CCSER1: variants seen among roughly 807,000 people sequenced by gnomAD.
CCSER1 encodes coiled-coil serine rich protein 1, also known as serine-rich coiled-coil domain-containing protein 1.
A neutral mutation model predicts 82.0 loss-of-function variants in CCSER1; 41 were observed. The observed-to-expected ratio is 0.50, with a 90% CI of 0.39 to 0.65. The LOEUF is 0.65. CCSER1 is among the 30% of genes least tolerant of loss of function. The probability of loss-of-function intolerance (pLI) is 0.00; values close to 1 mark genes in which losing one functional copy is unlikely to be tolerated. For missense variants in CCSER1, 1,119 were observed against 1,064.2 expected (o/e 1.05, Z -0.72); for synonymous variants, 414 against 383.9 (o/e 1.08, Z -0.92).
intron 1 of CCSER1, among the ~76,000 whole-genome samples, chr4:90,302,717 G>A (rs1375112995): frequency 1.3e-5 from 2 of 152,054 alleles, no homozygotes; most frequent in Non-Finnish European, 2.9e-5. Flanking sequence ...GTAGAAGGAT[G>A]GCTTGAGCCC....
chr4:91,037,584 CCTT>C (rs5860216), intron 9 of CCSER1, among the ~76,000 whole-genome samples: 61,515 of 151,668 alleles, frequency 0.41, 12,918 homozygotes, highest in East Asian at 0.64. Flanking sequence ...TTCTACTTTT[CCTT>C]CTTCTCTCTC....
rs763818383 is a variant in CCSER1, at chr4:90,836,411, A to G, written c.2094+20566A>G. On this transcript the variant is annotated intron_variant, in intron 8 of 10. Coordinates refer to ENST00000509176, the MANE Select transcript of CCSER1 (RefSeq NM_001145065.2). ...TTCTTCTGAGCTTCTTTGACTCACA[A>G]GCTTTGCTTTGAGAGTCACCTTTCC... 5.3e-5 allele frequency among the ~76,000 whole-genome samples: 8 copies of G among 152,108 alleles called. No homozygotes were observed. In the South Asian group the frequency reaches 1.0e-3, roughly 20 times the overall value.
intron 10 of CCSER1, among the ~76,000 whole-genome samples, chr4:91,267,159 T>C (rs1401080131): frequency 6.6e-6 from 1 of 152,186 alleles, no homozygotes; most frequent in Non-Finnish European, 1.5e-5. Context: ...GGCAGGCTTG[T>C]AGCACACCTG....
intron 10 of CCSER1, among the ~76,000 whole-genome samples, chr4:91,328,500 T>A (rs1746721819): frequency 6.6e-6 from 1 of 152,148 alleles, no homozygotes; most frequent in Non-Finnish European, 1.5e-5. Flanking sequence ...AGGCCTCACC[T>A]TCAACATTGC....
chr4:90,930,939 TACAC>T (rs1554045605), intron 9 of CCSER1, among the ~76,000 whole-genome samples: 8 of 135,066 alleles, frequency 5.9e-5, no homozygotes, highest in Non-Finnish European at 7.9e-5. Flanking sequence ...TATATATATA[TACAC>T]ATGACATATA....
intron 5 of CCSER1, among the ~76,000 whole-genome samples, chr4:90,557,285 A>G (rs1256070120): frequency 6.6e-6 from 1 of 152,088 alleles, no homozygotes; most frequent in South Asian, 2.1e-4. Flanking sequence ...TTATCTTGGA[A>G]TCAGAATAAT....
intron 10 of CCSER1, among the ~76,000 whole-genome samples, chr4:91,305,583 A>T (rs1484425132): frequency 6.6e-6 from 1 of 151,964 alleles, no homozygotes; most frequent in East Asian, 1.9e-4. Context: ...CATTTCATTT[A>T]TTTTTGGTCT....
intron 10 of CCSER1, among the ~76,000 whole-genome samples, chr4:91,296,647 G>A (rs28367428): frequency 0.24 from 36,071 of 148,450 alleles, 5,503 homozygotes; most frequent in African/African-American, 0.44. Context: ...ATATAAGTAT[G>A]TAAGATAAAT....
At chr4:90,648,622 G>C (rs368136101) in intron 6 of CCSER1, among the ~76,000 whole-genome samples, 5 of 144,676 alleles carry the variant, frequency 3.5e-5, no homozygotes, top group African/African-American at 1.3e-4. Context: ...AGAAGACAAA[G>C]AAACAGTAAA....
intron 10 of CCSER1, among the ~76,000 whole-genome samples, chr4:91,172,339 G>A (rs1346286274): frequency 6.6e-6 from 1 of 152,146 alleles, no homozygotes; most frequent in Non-Finnish European, 1.5e-5. Flanking sequence ...TAATAAAACT[G>A]TGTCTTCATG....
intron 10 of CCSER1, among the ~76,000 whole-genome samples, chr4:91,219,332 T>TTA (rs1553913551): frequency 1.5e-4 from 21 of 142,396 alleles, no homozygotes; most frequent in East Asian, 4.0e-4. Context: ...TTTTTTTTTT[T>TTA]AAAACAGTCT....
intron 1 of CCSER1, among the ~76,000 whole-genome samples, chr4:90,302,773 A>T (rs759272696): frequency 6.6e-6 from 1 of 152,166 alleles, no homozygotes; most frequent in Non-Finnish European, 1.5e-5. Context: ...ACTGCATTCT[A>T]GCCTGGGTGA....
At chr4:90,441,178 G>T (rs183382797) in intron 4 of CCSER1, among the ~76,000 whole-genome samples, 3 of 152,020 alleles carry the variant, frequency 2.0e-5, no homozygotes, top group East Asian at 1.9e-4. Context: ...GCTTCCTCAC[G>T]CAAGAAAATC....
intron 3 of CCSER1, among the ~76,000 whole-genome samples, chr4:90,352,963 C>T (rs1391382150): frequency 6.7e-6 from 1 of 148,704 alleles, no homozygotes; most frequent in Non-Finnish European, 1.5e-5. Context: ...TGATAGCCTG[C>T]AATATGCAGA....
chr4:91,272,533 C>G (rs945461425), intron 10 of CCSER1, among the ~76,000 whole-genome samples: 2 of 152,108 alleles, frequency 1.3e-5, no homozygotes, highest in Admixed American at 1.3e-4. Flanking sequence ...AAGATTTTCT[C>G]CCACTCTGTG....
rs559831218 is a variant in CCSER1 at position 91,555,962 on chromosome 4, A to C, written c.2218-42610A>C. On this transcript the variant is annotated intron_variant, in intron 10 of 10. Coordinates refer to ENST00000509176, the MANE Select transcript of CCSER1 (RefSeq NM_001145065.2). ...CTGTCACATTGAAATGAAACGGTCA[A>C]ACCCTTAATTACTCCATTGTAGATG... 2.7e-4 allele frequency among the ~76,000 whole-genome samples: 41 copies of C among 151,368 alleles called. 1 individual carries two copies. The highest frequency in any genetic ancestry group is 5.2e-4 in the Non-Finnish European group (35 of 67,544).
intron 10 of CCSER1, among the ~76,000 whole-genome samples, chr4:91,369,661 C>T (rs113965395): frequency 6.1e-4 from 45 of 73,458 alleles, no homozygotes; most frequent in African/African-American, 2.2e-3. Context: ...TAATCTGTAG[C>T]TTTTTTTTTT....
chr4:90,882,684 CT>C (rs1721514923), intron 8 of CCSER1, among the ~76,000 whole-genome samples: 1 of 151,880 alleles, frequency 6.6e-6, no homozygotes, highest in Non-Finnish European at 1.5e-5. Flanking sequence ...TGCTCATTTA[CT>C]TTTATATTGT....
At chr4:90,642,965 C>T (rs546368888) in intron 6 of CCSER1, among the ~76,000 whole-genome samples, 2 of 151,392 alleles carry the variant, frequency 1.3e-5, no homozygotes, top group South Asian at 2.1e-4. Context: ...AGAAATGAGT[C>T]AATTTATATT....
Sources: gnomAD v4.1 joint callset for allele counts (sites outside exome capture counted in the v4.1 genomes callset) on GRCh38, gnomAD v4.1.1 for gene constraint, MANE v1.5 for transcripts, NCBI Gene and HGNC (gene_info 2026-07-23, HGNC 2026-07-21) for gene names.